The following FANK1 variants were observed in gnomAD, a reference collection of about 807,000 sequenced individuals.
FANK1 encodes the protein fibronectin type 3 and ankyrin repeat domains protein 1.
In FANK1, 44 loss-of-function variants were observed where a neutral mutation model predicts 45.3. That is an observed-to-expected ratio of 0.97 (90% confidence interval 0.76 to 1.25). FANK1 has a LOEUF of 1.25. Among genes scored for constraint, FANK1 ranks in the 50% most tolerant of loss-of-function variants. The probability of loss-of-function intolerance (pLI) is 0.00; values close to 1 mark genes in which losing one functional copy is unlikely to be tolerated. For synonymous variants in FANK1, 149 were observed against 152.5 expected, an observed-to-expected ratio of 0.98 and a Z score of 0.17; for missense variants, 391 against 424.4, an observed-to-expected ratio of 0.92 and a Z score of 0.69.
At chr10:125,916,121 TC>T (rs1946428410) in intron 1 of FANK1, among the ~76,000 whole-genome samples, 1 of 152,038 alleles carries the variant, frequency 6.6e-6, no homozygotes, top group South Asian at 2.1e-4. Flanking sequence ...CACTGCAACC[TC>T]CGCCTCCTGA....
intron 2 of FANK1, among the ~76,000 whole-genome samples, chr10:125,985,380 A>T (rs1045507686): frequency 6.6e-6 from 1 of 152,162 alleles, no homozygotes; most frequent in Non-Finnish European, 1.5e-5. Flanking sequence ...TAACATCAAA[A>T]TCTACCTACT....
intron 1 of FANK1, among the ~76,000 whole-genome samples, chr10:125,975,988 G>A (rs1017416607): frequency 1.3e-5 from 2 of 151,818 alleles, no homozygotes; most frequent in African/African-American, 4.9e-5. Context: ...TATATTTACT[G>A]TTCCTTCCAA....
intron 1 of FANK1, among the ~76,000 whole-genome samples, chr10:125,942,443 T>C (rs1564895180): frequency 6.6e-6 from 1 of 152,216 alleles, no homozygotes. Flanking sequence ...CTTAACATTT[T>C]ATAACAATTT....
chr10:125,966,168 T>A (rs547871892), intron 1 of FANK1, among the ~76,000 whole-genome samples: 1 of 152,352 alleles, frequency 6.6e-6, no homozygotes, highest in African/African-American at 2.4e-5. Context: ...TTGAAGAACT[T>A]ACTAGCAAAG....
chr10:125,973,537 C>G (rs1950651089), intron 1 of FANK1: 1 of 846,700 alleles, frequency 1.2e-6, no homozygotes, highest in Non-Finnish European at 1.4e-6. Flanking sequence ...ACATGTATCC[C>G]TCAGTATCTA....
chr10:125,989,871 G>A (rs1951808678), intron 3 of FANK1, among the ~76,000 whole-genome samples: 1 of 152,168 alleles, frequency 6.6e-6, no homozygotes, highest in African/African-American at 2.4e-5. Flanking sequence ...AGGGAGTCAG[G>A]CATATGAACA....
At chr10:125,995,032 T>C (rs1474226384) in intron 3 of FANK1, 8 of 824,016 alleles carry the variant, frequency 9.7e-6, no homozygotes, top group African/African-American at 3.7e-5. Flanking sequence ...TTTTTTTTTT[T>C]CCAAGTAGTT....
At chr10:125,950,562 A>G (rs543178907) in intron 1 of FANK1, among the ~76,000 whole-genome samples, 2 of 152,156 alleles carry the variant, frequency 1.3e-5, no homozygotes, top group Non-Finnish European at 2.9e-5. Flanking sequence ...CAAAACCACA[A>G]TGAGATACCA....
intron 1 of FANK1, 135 bp from the exon 2 acceptor site, chr10:125,980,026 A>G (rs765644367): frequency 1.4e-5 from 12 of 864,034 alleles, no homozygotes; most frequent in Non-Finnish European, 2.1e-5. Flanking sequence ...TCTTTAAGCA[A>G]CAGGGAGGTA....
intron 3 of FANK1, among the ~76,000 whole-genome samples, chr10:125,989,890 G>A (rs915631881): frequency 3.3e-5 from 5 of 152,164 alleles, no homozygotes; most frequent in Admixed American, 1.3e-4. Context: ...CAGAGACTCC[G>A]GGCAACCCCA....
intron 1 of FANK1, among the ~76,000 whole-genome samples, chr10:125,971,865 G>A (rs572382859): frequency 4.6e-5 from 7 of 152,156 alleles, no homozygotes; most frequent in East Asian, 3.9e-4. Context: ...TTTGTGATTC[G>A]TCCACCTTGG....
At chr10:125,965,947 C>T (rs1188813260) in intron 1 of FANK1, among the ~76,000 whole-genome samples, 2 of 152,178 alleles carry the variant, frequency 1.3e-5, no homozygotes, top group African/African-American at 4.8e-5. Context: ...TTTCAAATCA[C>T]TTCAGTATTT....
At chr10:125,913,044 T>A (rs1946153696) in intron 1 of FANK1, among the ~76,000 whole-genome samples, 1 of 152,176 alleles carries the variant, frequency 6.6e-6, no homozygotes, top group African/African-American at 2.4e-5. Context: ...AGAACAAAAA[T>A]CTATTGACTG....
At chr10:125,903,833 T>TTTTG (rs974537393) in intron 1 of FANK1, among the ~76,000 whole-genome samples, 29 of 151,926 alleles carry the variant, frequency 1.9e-4, no homozygotes, top group Admixed American at 1.8e-3. Flanking sequence ...TAAATATATA[T>TTTTG]TTTGTTTGTT....
At chr10:125,925,715 A>G (rs1238543451) in intron 1 of FANK1, among the ~76,000 whole-genome samples, 1 of 151,774 alleles carries the variant, frequency 6.6e-6, no homozygotes, top group Non-Finnish European at 1.5e-5. Context: ...ACGTATTTTA[A>G]TACCTTTTAA....
intron 3 of FANK1, among the ~76,000 whole-genome samples, chr10:125,991,279 T>TGTGTGTGTGTGTGTGTGTGTG (rs1590196322): frequency 1.5e-5 from 1 of 66,180 alleles, no homozygotes; most frequent in Non-Finnish European, 3.5e-5. Context: ...GTGTGTGTGT[T>TGTGTGTGTGTGTGTGTGTGTG]GGGGGAGTGA....
intron 5 of FANK1, 43 bp downstream of exon 5, chr10:125,996,667 T>C: frequency 5.1e-6 from 8 of 1,579,458 alleles, no homozygotes; most frequent in African/African-American, 1.4e-5. Context: ...GGGATTTAAC[T>C]TTTTATTTTA....
intron 1 of FANK1, among the ~76,000 whole-genome samples, chr10:125,898,007 A>AG (rs1201092210): frequency 1.7e-4 from 16 of 91,664 alleles, no homozygotes; most frequent in Non-Finnish European, 3.3e-4. Context: ...ACAAAAAAAA[A>AG]AAAAAAAAAA....
intron 1 of FANK1, among the ~76,000 whole-genome samples, chr10:125,947,480 C>CA (rs1948891658): frequency 6.6e-6 from 1 of 150,466 alleles, no homozygotes; most frequent in Admixed American, 6.6e-5. Context: ...TCTGATAAAA[C>CA]AGACTTCAAA....
Sources: allele counts gnomAD v4.1 joint callset (sites outside exome capture counted in the v4.1 genomes callset), GRCh38; gene constraint gnomAD v4.1.1; transcripts MANE v1.5; gene names NCBI Gene and HGNC (gene_info 2026-07-23, HGNC 2026-07-21).